The following ANKS1B variants were observed in gnomAD, a reference collection of about 807,000 sequenced individuals.
ANKS1B encodes the protein ankyrin repeat and sterile alpha motif domain containing 1B.
A neutral mutation model predicts 148.3 loss-of-function variants in ANKS1B; 36 were observed. The ratio of observed to expected loss-of-function variants is 0.24; its 90% CI spans 0.19 to 0.32. ANKS1B has a LOEUF of 0.32. Ranked by LOEUF, ANKS1B falls within the 10% of genes least tolerant of loss-of-function variation. The probability of loss-of-function intolerance (pLI) is 1.00; values close to 1 mark genes in which losing one functional copy is unlikely to be tolerated. For synonymous variants in ANKS1B, 542 were observed against 560.8 expected (o/e 0.97, Z 0.47); for missense variants, 1,157 against 1,542.6 (o/e 0.75, Z 4.19).
chr12:99,486,686 G>T (rs1440614589), intron 10 of ANKS1B, among the ~76,000 whole-genome samples: 1 of 152,080 alleles, frequency 6.6e-6, no homozygotes, highest in Non-Finnish European at 1.5e-5. Flanking sequence ...TCTTATCAAG[G>T]GGAAGAGTTG....
At chr12:99,953,731 G>GT (rs1279761678) in intron 1 of ANKS1B, among the ~76,000 whole-genome samples, 1 of 152,166 alleles carries the variant, frequency 6.6e-6, no homozygotes, top group Non-Finnish European at 1.5e-5. Flanking sequence ...CACATGCAGA[G>GT]GTTCATCTTA....
chr12:98,965,414 AT>A (rs2099876992), intron 17 of ANKS1B, among the ~76,000 whole-genome samples: 2 of 152,168 alleles, frequency 1.3e-5, no homozygotes, highest in South Asian at 2.1e-4. Flanking sequence ...ACTTATTTTT[AT>A]TTTTGGGTGA....
intron 9 of ANKS1B, among the ~76,000 whole-genome samples, chr12:99,631,502 T>C (rs371218985): frequency 6.6e-6 from 1 of 152,084 alleles, no homozygotes; most frequent in African/African-American, 2.4e-5. Flanking sequence ...ATTGGTTAAG[T>C]AGTCATGACC....
chr12:99,587,529 G>A (rs904176842), intron 9 of ANKS1B, among the ~76,000 whole-genome samples: 19 of 152,190 alleles, frequency 1.2e-4, no homozygotes, highest in Admixed American at 3.3e-4. Flanking sequence ...CTATCTTAGC[G>A]AATCAAACTT....
At chr12:98,972,233 C>T (rs1356030049) in intron 17 of ANKS1B, among the ~76,000 whole-genome samples, 2 of 152,178 alleles carry the variant, frequency 1.3e-5, no homozygotes, top group Admixed American at 6.5e-5. Context: ...TTAGCCATTT[C>T]ATTGCATTGT....
At chr12:99,798,321 T>C (rs2066491790) in intron 4 of ANKS1B, among the ~76,000 whole-genome samples, 1 of 151,378 alleles carries the variant, frequency 6.6e-6, no homozygotes, top group Non-Finnish European at 1.5e-5. Flanking sequence ...AAAGATAACC[T>C]TACTGGAGAT....
chr12:99,812,595 C>T (rs187337368), intron 2 of ANKS1B, among the ~76,000 whole-genome samples: 4 of 150,024 alleles, frequency 2.7e-5, no homozygotes, highest in Non-Finnish European at 5.9e-5. Flanking sequence ...CGAGAGCACA[C>T]ATTGACTAAC....
At chr12:99,851,642 A>T (rs998175279) in intron 1 of ANKS1B, among the ~76,000 whole-genome samples, 1 of 152,186 alleles carries the variant, frequency 6.6e-6, no homozygotes, top group African/African-American at 2.4e-5. Context: ...ACAAAGAAGC[A>T]AGTAATATTG....
In ANKS1B at chr12:98,829,465, G is replaced by A; in HGVS notation, c.2887-112C>T. 2 of 985,810 alleles carry A rather than the reference G, an allele frequency of 2.0e-6. No individual in the cohort carries two copies. Among genetic ancestry groups the A allele is most frequent in the Non-Finnish European group, 3.0e-6 (2 of 667,054 alleles). 61.1% of individuals were successfully genotyped at this position (985,810 alleles called of 1,614,324 possible). ...GTGGGGGTGGGGAGTCGCTTTTGAA[G>A]CAACAGCCAAGGAATGAATGACATT... On this transcript the variant is annotated intron_variant, in intron 18 of 26. Transcript: ENST00000683438. This position sits in a 1 kb window ranked among gnomAD's most constrained non-coding sequence, Gnocchi z 5.2.
At chr12:99,263,168 T>C (rs747155329) in intron 12 of ANKS1B, among the ~76,000 whole-genome samples, 1 of 152,052 alleles carries the variant, frequency 6.6e-6, no homozygotes, top group Non-Finnish European at 1.5e-5. Context: ...GGTTACTAAG[T>C]AGTGGAGAAG....
chr12:99,478,230 C>A (rs11109859), intron 10 of ANKS1B, among the ~76,000 whole-genome samples: 2,337 of 152,142 alleles, frequency 0.015, 48 homozygotes, highest in Non-Finnish European at 0.018. Flanking sequence ...TGAGAGGGGT[C>A]TAGAAATGTT....
At chr12:99,429,569 T>C (rs976671374) in intron 11 of ANKS1B, among the ~76,000 whole-genome samples, 9 of 152,236 alleles carry the variant, frequency 5.9e-5, no homozygotes, top group African/African-American at 2.2e-4. Context: ...ATTGGTGAAG[T>C]TTGAATGGAG....
chr12:99,511,686 A>T (rs1389444065), intron 9 of ANKS1B, among the ~76,000 whole-genome samples: 1 of 152,142 alleles, frequency 6.6e-6, no homozygotes, highest in East Asian at 1.9e-4. Context: ...AGTAATGAAA[A>T]AAGCATGGAA....
intron 12 of ANKS1B, among the ~76,000 whole-genome samples, chr12:99,314,485 G>C (rs2083681258): frequency 6.6e-6 from 1 of 152,064 alleles, no homozygotes; most frequent in Non-Finnish European, 1.5e-5. Flanking sequence ...AAAGAACAAA[G>C]CTGGAGTCAT....
intron 1 of ANKS1B, among the ~76,000 whole-genome samples, chr12:99,909,142 G>C (rs1204959166): frequency 6.6e-6 from 1 of 151,162 alleles, no homozygotes; most frequent in East Asian, 1.9e-4. Context: ...TTTCACTCAG[G>C]ATACTGTCCT....
At chr12:99,376,083 T>A (rs1457173074) in intron 12 of ANKS1B, among the ~76,000 whole-genome samples, 1 of 152,198 alleles carries the variant, frequency 6.6e-6, no homozygotes. Context: ...TATCAAACCA[T>A]TCGCTGTTCA....
chr12:99,738,587 C>T (rs1389577490), intron 8 of ANKS1B, among the ~76,000 whole-genome samples: 1 of 152,124 alleles, frequency 6.6e-6, no homozygotes, highest in Non-Finnish European at 1.5e-5. Flanking sequence ...TGAATATGCA[C>T]AATTCTCTTC....
chr12:99,401,949 G>A (rs1488693745), intron 11 of ANKS1B, among the ~76,000 whole-genome samples: 1 of 146,318 alleles, frequency 6.8e-6, no homozygotes, highest in Non-Finnish European at 1.5e-5. Context: ...ATTTAGTTAT[G>A]GTCTATGACT....
intron 9 of ANKS1B, among the ~76,000 whole-genome samples, chr12:99,536,458 T>C (rs946011879): frequency 2.6e-5 from 4 of 152,374 alleles, no homozygotes; most frequent in African/African-American, 4.8e-5. Flanking sequence ...CACAGCTATA[T>C]GTTCTTAGCT....
Sources: allele counts gnomAD v4.1 joint callset (sites outside exome capture counted in the v4.1 genomes callset), GRCh38; gene constraint gnomAD v4.1.1; non-coding constraint Gnocchi (gnomAD v3.1); transcripts MANE v1.5; gene names NCBI Gene and HGNC (gene_info 2026-07-23, HGNC 2026-07-21).